Variants in LRRC4C observed in about 807,000 individuals in gnomAD.
The protein encoded by LRRC4C is leucine rich repeat containing 4C, also known as leucine-rich repeat-containing protein 4C.
LRRC4C carries 5 observed loss-of-function variants against 33.6 expected under a neutral mutation model. The ratio of observed to expected loss-of-function variants is 0.15; its 90% CI spans 0.08 to 0.31. LRRC4C has a LOEUF of 0.31. Ranked by LOEUF, LRRC4C falls within the 10% of genes least tolerant of loss-of-function variation. The probability of loss-of-function intolerance (pLI) is 1.00; values close to 1 mark genes in which losing one functional copy is unlikely to be tolerated. For missense variants in LRRC4C, 560 were observed against 796.7 expected (o/e 0.70, Z 3.58); for synonymous variants, 329 against 302.0 (o/e 1.09, Z -0.93).
At chr11:40,240,455 A>G (rs10501225) in intron 5 of LRRC4C, among the ~76,000 whole-genome samples, 113,992 of 151,970 alleles carry the variant, frequency 0.75, 46,477 homozygotes, top group East Asian at 0.95. Flanking sequence ...ATTATCCATG[A>G]AGCCCAGAAC....
At chr11:41,190,715 T>C (rs1446764053) in intron 1 of LRRC4C, among the ~76,000 whole-genome samples, 2 of 152,174 alleles carry the variant, frequency 1.3e-5, no homozygotes, top group Non-Finnish European at 2.9e-5. Context: ...ACTTGATGTT[T>C]AAAATCTGAA....
intron 3 of LRRC4C, among the ~76,000 whole-genome samples, chr11:40,466,575 A>AT (rs1165404264): frequency 6.6e-6 from 1 of 151,740 alleles, no homozygotes; most frequent in Non-Finnish European, 1.5e-5. Flanking sequence ...TCTTATAGGA[A>AT]TTTTTTTGTA....
intron 2 of LRRC4C, among the ~76,000 whole-genome samples, chr11:40,795,485 A>G (rs555562210): frequency 6.6e-5 from 10 of 152,122 alleles, no homozygotes; most frequent in Non-Finnish European, 1.5e-4. Flanking sequence ...AGCCGAGATC[A>G]TGCCACTGCA....
chr11:40,148,326 C>T (rs903148097), intron 5 of LRRC4C, among the ~76,000 whole-genome samples: 4 of 152,160 alleles, frequency 2.6e-5, no homozygotes, highest in Admixed American at 2.6e-4. Context: ...CCTTATTCTC[C>T]ACAACCTCAC....
intron 3 of LRRC4C, among the ~76,000 whole-genome samples, chr11:40,596,925 A>G (rs1994976): frequency 0.26 from 38,815 of 152,104 alleles, 5,837 homozygotes; most frequent in Middle Eastern, 0.36. Flanking sequence ...ATACCCATGG[A>G]ATATTATTGA....
intron 1 of LRRC4C, among the ~76,000 whole-genome samples, chr11:41,442,509 G>C (rs1486332594): frequency 3.7e-5 from 4 of 107,120 alleles, no homozygotes; most frequent in East Asian, 2.8e-4. Flanking sequence ...TTGCTCTGTC[G>C]CCCAGGCTGG....
At chr11:40,478,915 A>C (rs1196616051) in intron 3 of LRRC4C, among the ~76,000 whole-genome samples, 1 of 152,210 alleles carries the variant, frequency 6.6e-6, no homozygotes, top group East Asian at 1.9e-4. Context: ...CATTCTGCTA[A>C]TGTTGGTTAA....
chr11:40,300,038 G>A (rs192529743), intron 4 of LRRC4C, among the ~76,000 whole-genome samples: 27 of 152,244 alleles, frequency 1.8e-4, no homozygotes, highest in Admixed American at 2.6e-4. Context: ...ATGCTTCTGG[G>A]GAGGCCTCAG....
intron 6 of LRRC4C, among the ~76,000 whole-genome samples, chr11:40,121,431 C>T (rs1855818541): frequency 6.6e-6 from 1 of 152,160 alleles, no homozygotes; most frequent in Admixed American, 6.5e-5. Flanking sequence ...AGGTTTTTTA[C>T]TTTAATATCT....
chr11:40,664,890 C>T (rs1243878335), intron 2 of LRRC4C, among the ~76,000 whole-genome samples: 1 of 151,888 alleles, frequency 6.6e-6, no homozygotes, highest in African/African-American at 2.4e-5. Context: ...TCGTCATTTA[C>T]ATTAGGTATA....
chr11:40,869,299 G>GTTT (rs1954521872), intron 2 of LRRC4C, among the ~76,000 whole-genome samples: 1 of 152,038 alleles, frequency 6.6e-6, no homozygotes, highest in Non-Finnish European at 1.5e-5. Context: ...TATTATTATT[G>GTTT]AAGACCTATT....
At chr11:40,911,261 C>A (rs1956666930) in intron 2 of LRRC4C, among the ~76,000 whole-genome samples, 3 of 152,200 alleles carry the variant, frequency 2.0e-5, no homozygotes, top group Non-Finnish European at 4.4e-5. Context: ...AAGAGGGTCC[C>A]TGAACCCCGA....
At chr11:40,358,199 A>C (rs1039173426) in intron 3 of LRRC4C, among the ~76,000 whole-genome samples, 4 of 151,674 alleles carry the variant, frequency 2.6e-5, no homozygotes, top group African/African-American at 9.7e-5. Flanking sequence ...AAATAAATAA[A>C]TAACAAAAAA....
At chr11:40,207,130 A>C (rs998993270) in intron 5 of LRRC4C, among the ~76,000 whole-genome samples, 2 of 152,152 alleles carry the variant, frequency 1.3e-5, no homozygotes, top group African/African-American at 4.8e-5. Flanking sequence ...GATCAATCTT[A>C]ATATATTGTA....
Position 41,107,923 on chromosome 11 carries a change from C to T in LRRC4C, c.-495-174200G>A, listed in dbSNP as rs577992355. On this transcript the variant is annotated intron_variant, in intron 1 of 6. Coordinates refer to ENST00000528697, the MANE Select transcript of LRRC4C (RefSeq NM_001258419.2). ...TTGCACTCCAGCCTGGGTGATAGAG[C>T]GAGAGTCCATCTCAAAGAAAAGAAA... 3.3e-5 allele frequency among the ~76,000 whole-genome samples: 5 copies of T among 149,524 alleles called. No homozygotes were observed. The East Asian group carries it at 6.0e-4, about 18-fold the overall frequency.
At chr11:40,242,662 C>G (rs982572732) in intron 4 of LRRC4C, among the ~76,000 whole-genome samples, 1 of 152,040 alleles carries the variant, frequency 6.6e-6, no homozygotes, top group Admixed American at 6.6e-5. Flanking sequence ...CACAAGTGAA[C>G]CTGAAACACT....
intron 2 of LRRC4C, among the ~76,000 whole-genome samples, chr11:40,759,372 G>A (rs1268134577): frequency 6.6e-6 from 1 of 150,934 alleles, no homozygotes; most frequent in African/African-American, 2.4e-5. Flanking sequence ...TAATTTAAGT[G>A]GTTATGTGAG....
chr11:40,185,611 A>G (rs1248464679), intron 5 of LRRC4C, among the ~76,000 whole-genome samples: 1 of 152,248 alleles, frequency 6.6e-6, no homozygotes, highest in African/African-American at 2.4e-5. Flanking sequence ...AGTGCCAGGC[A>G]CTGTGCTAGA....
chr11:40,247,113 C>CT (rs11362328), intron 4 of LRRC4C, among the ~76,000 whole-genome samples: 25 of 148,674 alleles, frequency 1.7e-4, no homozygotes, highest in African/African-American at 4.4e-4. Flanking sequence ...CCTTTTCTCT[C>CT]TTTTTTTTTT....
Sources: allele counts gnomAD v4.1 joint callset (sites outside exome capture counted in the v4.1 genomes callset), GRCh38; gene constraint gnomAD v4.1.1; transcripts MANE v1.5; gene names NCBI Gene and HGNC (gene_info 2026-07-23, HGNC 2026-07-21).